Variants in LRP1B observed in about 807,000 individuals in gnomAD.
LRP1B encodes the protein LDL receptor related protein 1B, also known as low-density lipoprotein receptor-related protein 1B.
Under a neutral mutation model 556.6 loss-of-function variants are expected in LRP1B, and 217 were observed. That is an observed-to-expected ratio of 0.39 (90% confidence interval 0.35 to 0.44). The LOEUF (loss-of-function observed/expected upper bound fraction) is 0.44. Ranked by LOEUF, LRP1B falls within the 20% of genes least tolerant of loss-of-function variation. The probability of loss-of-function intolerance (pLI) is 1.00; values close to 1 mark genes in which losing one functional copy is unlikely to be tolerated. For missense variants in LRP1B, 5,053 were observed against 5,620.8 expected (o/e 0.90, Z 3.23); for synonymous variants, 2,047 against 1,865.8 (o/e 1.10, Z -2.50).
chr2:141,475,132 G>C (rs1204480513), intron 3 of LRP1B, among the ~76,000 whole-genome samples: 1 of 152,150 alleles, frequency 6.6e-6, no homozygotes, highest in African/African-American at 2.4e-5. Context: ...CAAGCACTGT[G>C]GGAGGCAACG....
intron 2 of LRP1B, among the ~76,000 whole-genome samples, chr2:141,717,844 G>A (rs1401145941): frequency 1.3e-5 from 2 of 152,222 alleles, no homozygotes; most frequent in Non-Finnish European, 2.9e-5. Context: ...TAAAACAATA[G>A]TGTAAATGAT....
chr2:141,109,348 A>T (rs1301680819), intron 7 of LRP1B, among the ~76,000 whole-genome samples: 1 of 152,138 alleles, frequency 6.6e-6, no homozygotes, highest in Non-Finnish European at 1.5e-5. Flanking sequence ...CCCCTTTCTT[A>T]ATAAATAGGC....
chr2:140,697,224 C>T (rs578139945), intron 41 of LRP1B, among the ~76,000 whole-genome samples: 276 of 152,166 alleles, frequency 1.8e-3, no homozygotes, highest in African/African-American at 6.0e-3. Context: ...TGTATGTATA[C>T]TTTAATTAAA....
chr2:141,334,236 G>A (rs1687764490), intron 3 of LRP1B, among the ~76,000 whole-genome samples: 1 of 152,196 alleles, frequency 6.6e-6, no homozygotes, highest in South Asian at 2.1e-4. Flanking sequence ...CTGTTGGGAA[G>A]TGACTGGATC....
At chr2:141,463,087 A>G (rs1006698764) in intron 3 of LRP1B, among the ~76,000 whole-genome samples, 22 of 152,308 alleles carry the variant, frequency 1.4e-4, no homozygotes, top group African/African-American at 5.3e-4. Context: ...AATATTCTGC[A>G]TTAGTAAACT....
intron 2 of LRP1B, among the ~76,000 whole-genome samples, chr2:141,760,034 C>A (rs1463870611): frequency 6.6e-6 from 1 of 152,168 alleles, no homozygotes; most frequent in Admixed American, 6.5e-5. Flanking sequence ...GAGGCTGAGG[C>A]AGGAGAACCA....
intron 3 of LRP1B, among the ~76,000 whole-genome samples, chr2:141,430,164 T>A (rs996330388): frequency 2.0e-5 from 3 of 146,678 alleles, no homozygotes; most frequent in African/African-American, 7.5e-5. Context: ...AATTTTACTG[T>A]CTGAGCAGTG....
chr2:141,905,763 A>ATGTGTGTGTGTGTGTGTGT (rs71338143), intron 1 of LRP1B, among the ~76,000 whole-genome samples: 1 of 115,156 alleles, frequency 8.7e-6, no homozygotes, highest in Admixed American at 8.5e-5. Flanking sequence ...TGGTTTGAAT[A>ATGTGTGTGTGTGTGTGTGT]GATGTGTGTG....
intron 10 of LRP1B, among the ~76,000 whole-genome samples, chr2:141,054,519 A>G (rs368209169): frequency 5.5e-4 from 83 of 152,128 alleles, no homozygotes; most frequent in African/African-American, 1.9e-3. Flanking sequence ...TAAATTATTC[A>G]GGCCTATTTT....
At chr2:141,627,809 T>A (rs1688757280) in intron 2 of LRP1B, among the ~76,000 whole-genome samples, 1 of 152,048 alleles carries the variant, frequency 6.6e-6, no homozygotes, top group South Asian at 2.1e-4. Flanking sequence ...ACCAACATAG[T>A]TTCATTGATT....
At chr2:141,451,302 G>A (rs1221405656) in intron 3 of LRP1B, among the ~76,000 whole-genome samples, 2 of 152,158 alleles carry the variant, frequency 1.3e-5, no homozygotes, top group East Asian at 3.9e-4. Flanking sequence ...AATGTTTTAA[G>A]TGTGTACTCT....
chr2:141,741,955 G>T (rs1236573828), intron 2 of LRP1B, among the ~76,000 whole-genome samples: 1 of 152,068 alleles, frequency 6.6e-6, no homozygotes, highest in Non-Finnish European at 1.5e-5. Context: ...AATACATTTT[G>T]ATTTGATTTT....
intron 41 of LRP1B, among the ~76,000 whole-genome samples, chr2:140,643,053 G>A (rs1574182455): frequency 2.2e-5 from 3 of 138,864 alleles, no homozygotes; most frequent in African/African-American, 8.5e-5. Flanking sequence ...TATGAACACA[G>A]AGTTTTATTT....
intron 60 of LRP1B, among the ~76,000 whole-genome samples, chr2:140,465,243 A>G (rs1687495836): frequency 6.6e-6 from 1 of 152,064 alleles, no homozygotes; most frequent in South Asian, 2.1e-4. Context: ...GACAGCACAA[A>G]CCATAAGGGA....
chr2:141,801,062 G>T (rs1227157102), intron 2 of LRP1B, among the ~76,000 whole-genome samples: 1 of 152,106 alleles, frequency 6.6e-6, no homozygotes, highest in East Asian at 1.9e-4. Context: ...TGTGGAGAAA[G>T]AAACATTTCT....
intron 5 of LRP1B, among the ~76,000 whole-genome samples, chr2:141,245,541 G>A (rs1306422077): frequency 6.6e-6 from 1 of 152,176 alleles, no homozygotes; most frequent in Admixed American, 6.6e-5. Context: ...ATTTGAAAAT[G>A]CCTGATATGA....
At chr2:141,702,678 T>A (rs1259697478) in intron 2 of LRP1B, among the ~76,000 whole-genome samples, 1 of 151,806 alleles carries the variant, frequency 6.6e-6, no homozygotes, top group Non-Finnish European at 1.5e-5. Context: ...TTTAAGCATA[T>A]TTTTCCAGGA....
chr2:141,068,882 T>C (rs1392447226), intron 7 of LRP1B, among the ~76,000 whole-genome samples: 1 of 152,008 alleles, frequency 6.6e-6, no homozygotes, highest in African/African-American at 2.4e-5. Flanking sequence ...TAAGGACTCA[T>C]TTTGTAATTT....
intron 79 of LRP1B, among the ~76,000 whole-genome samples, chr2:140,328,129 GA>G (rs1322069073): frequency 6.6e-6 from 1 of 151,872 alleles, no homozygotes; most frequent in East Asian, 1.9e-4. Flanking sequence ...TAATAAAGTG[GA>G]AAAAAATCAA....
Sources: allele counts gnomAD v4.1 joint callset (sites outside exome capture counted in the v4.1 genomes callset), GRCh38; gene constraint gnomAD v4.1.1; transcripts MANE v1.5; gene names NCBI Gene and HGNC (gene_info 2026-07-23, HGNC 2026-07-21).